The following GRIK2 variants were observed in gnomAD, a reference collection of about 807,000 sequenced individuals.
The protein encoded by GRIK2 is glutamate receptor ionotropic, kainate 2.
In GRIK2, 32 loss-of-function variants were observed where a neutral mutation model predicts 100.3. The ratio of observed to expected loss-of-function variants is 0.32; its 90% confidence interval spans 0.24 to 0.43. GRIK2 has a LOEUF of 0.43. Ranked by LOEUF, GRIK2 falls within the 20% of genes least tolerant of loss-of-function variation. GRIK2 has a pLI of 1.00. For missense variants in GRIK2, 843 were observed against 1,114.9 expected, an observed-to-expected ratio of 0.76 and a Z score of 3.47; for synonymous variants, 417 against 389.4, an observed-to-expected ratio of 1.07 and a Z score of -0.83.
At chr6:101,687,825 G>T (rs1345912564) in intron 7 of GRIK2, among the ~76,000 whole-genome samples, 2 of 151,378 alleles carry the variant, frequency 1.3e-5, no homozygotes, top group Non-Finnish European at 3.0e-5. Flanking sequence ...TTATGTTTGA[G>T]AATTTTTATT....
chr6:101,560,265 C>T (rs1319201568), intron 2 of GRIK2, among the ~76,000 whole-genome samples: 1 of 151,904 alleles, frequency 6.6e-6, no homozygotes, highest in Non-Finnish European at 1.5e-5. Context: ...TGGATTTTAT[C>T]TTGAAAATAT....
intron 7 of GRIK2, among the ~76,000 whole-genome samples, chr6:101,730,370 A>G (rs1004138845): frequency 3.9e-5 from 6 of 151,964 alleles, no homozygotes; most frequent in Non-Finnish European, 8.8e-5. Flanking sequence ...CCTGTCCTGT[A>G]AGACAGCCAG....
intron 7 of GRIK2, chr6:101,744,547 T>TATATATATACACAC (rs1562351738): frequency 3.1e-5 from 4 of 129,342 alleles, no homozygotes; most frequent in Non-Finnish European, 4.9e-5. Context: ...TATATATATA[T>TATATATATACACAC]ATATATATAT....
chr6:101,717,075 CTAAT>C (rs1774127102), intron 7 of GRIK2, among the ~76,000 whole-genome samples: 1 of 151,832 alleles, frequency 6.6e-6, no homozygotes, highest in African/African-American at 2.4e-5. Context: ...TTACTTCCAT[CTAAT>C]TAAGTAGCTT....
chr6:101,878,342 G>GTGTCAAGT (rs1554279154), intron 11 of GRIK2, among the ~76,000 whole-genome samples: 14 of 149,250 alleles, frequency 9.4e-5, no homozygotes, highest in African/African-American at 3.2e-4. Context: ...AAAGTGTCAA[G>GTGTCAAGT]TTTTTTTTTC....
In GRIK2 at chr6:101,570,098, A is replaced by G. The variant is rs1006925624; in HGVS notation, c.116-51851A>G. 9.2e-5 allele frequency among the ~76,000 whole-genome samples: 14 copies of G among 152,210 alleles called. 1 individual carries two copies. The highest frequency in any genetic ancestry group is 9.2e-4 in the Admixed American group (14 of 15,248). On this transcript the variant is annotated intron_variant, in intron 2 of 16. Transcript: ENST00000369134. ...AAGACTGTCTTCCTCAGTAGTTGAT[A>G]TTAGTGCAGTGGGTGAGAGAGCAGC...
At chr6:101,453,119 T>C (rs1027796047) in intron 2 of GRIK2, among the ~76,000 whole-genome samples, 4 of 151,856 alleles carry the variant, frequency 2.6e-5, no homozygotes. Context: ...TTCAGTGATC[T>C]CCAATAGATA....
chr6:101,952,662 G>A (rs1056801607), intron 14 of GRIK2, among the ~76,000 whole-genome samples: 3 of 151,578 alleles, frequency 2.0e-5, no homozygotes, highest in Non-Finnish European at 4.4e-5. Flanking sequence ...GAGTGCAGTG[G>A]CACGATCTTG....
intron 14 of GRIK2, among the ~76,000 whole-genome samples, chr6:101,985,991 A>G (rs1793996190): frequency 6.6e-6 from 1 of 151,828 alleles, no homozygotes; most frequent in Non-Finnish European, 1.5e-5. Context: ...ATGCTATTAA[A>G]AAGTATTTCC....
At chr6:101,648,578 A>G (rs549701127) in intron 4 of GRIK2, among the ~76,000 whole-genome samples, 18 of 152,222 alleles carry the variant, frequency 1.2e-4, no homozygotes, top group Non-Finnish European at 2.2e-4. Context: ...TGATGAGCCA[A>G]CATACCATGC....
chr6:101,735,983 A>G (rs772441109), intron 7 of GRIK2, among the ~76,000 whole-genome samples: 5 of 152,230 alleles, frequency 3.3e-5, no homozygotes, highest in Non-Finnish European at 7.3e-5. Context: ...CAGTCATTCC[A>G]AAAGGGAGAA....
chr6:101,520,386 C>T (rs1246034073), intron 2 of GRIK2, among the ~76,000 whole-genome samples: 4 of 150,022 alleles, frequency 2.7e-5, no homozygotes, highest in African/African-American at 9.7e-5. Context: ...TTATATATTA[C>T]ATTATATATT....
At chr6:101,744,684 T>A (rs1198700450) in intron 7 of GRIK2, 1 of 152,788 alleles carries the variant, frequency 6.5e-6, no homozygotes, top group African/African-American at 2.4e-5. Context: ...GTTCAAGCGA[T>A]TCTTCTGCCT....
At chr6:101,937,022 T>G (rs1790659847) in intron 14 of GRIK2, among the ~76,000 whole-genome samples, 1 of 152,160 alleles carries the variant, frequency 6.6e-6, no homozygotes, top group Admixed American at 6.6e-5. Context: ...GCAGCAACTT[T>G]TATCTTCGAA....
chr6:101,432,249 G>T (rs1769450592), intron 2 of GRIK2, among the ~76,000 whole-genome samples: 1 of 152,066 alleles, frequency 6.6e-6, no homozygotes, highest in South Asian at 2.1e-4. Context: ...CCTAGGAAGA[G>T]TTGCTTCCTG....
chr6:101,780,526 TCAG>T (rs1270527008), intron 7 of GRIK2, among the ~76,000 whole-genome samples: 1 of 152,156 alleles, frequency 6.6e-6, no homozygotes, highest in East Asian at 1.9e-4. Flanking sequence ...TGTAAAGAAA[TCAG>T]CACAGTTCTG....
At chr6:101,847,060 T>C (rs947345255) in intron 10 of GRIK2, among the ~76,000 whole-genome samples, 1 of 152,010 alleles carries the variant, frequency 6.6e-6, no homozygotes, top group Non-Finnish European at 1.5e-5. Context: ...GATCTTATTC[T>C]TCTAGGTTTC....
intron 4 of GRIK2, among the ~76,000 whole-genome samples, chr6:101,675,169 C>T (rs1770731228): frequency 6.6e-6 from 1 of 151,728 alleles, no homozygotes; most frequent in Admixed American, 6.6e-5. Flanking sequence ...CCTCTCCATC[C>T]CTCTCTTCCC....
intron 14 of GRIK2, among the ~76,000 whole-genome samples, chr6:101,987,125 T>A (rs1421952517): frequency 2.6e-5 from 4 of 151,816 alleles, no homozygotes; most frequent in African/African-American, 7.2e-5. Context: ...CACTTCAGCC[T>A]GGGTGACAGA....
Sources: allele counts gnomAD v4.1 joint callset (sites outside exome capture counted in the v4.1 genomes callset), GRCh38; gene constraint gnomAD v4.1.1; transcripts MANE v1.5; gene names NCBI Gene and HGNC (gene_info 2026-07-23, HGNC 2026-07-21).